Variants in NUP188 observed in about 807,000 individuals in gnomAD.
NUP188 encodes nucleoporin 188.
NUP188 carries 97 observed loss-of-function variants against 223.0 expected under a neutral mutation model. That is an observed-to-expected ratio of 0.43 (90% confidence interval 0.37 to 0.51). The LOEUF is 0.51. Ranked by LOEUF, NUP188 falls within the 20% of genes least tolerant of loss-of-function variation. The probability of loss-of-function intolerance (pLI) is 0.00; values close to 1 mark genes in which losing one functional copy is unlikely to be tolerated. For synonymous variants in NUP188, 869 were observed against 828.0 expected (o/e 1.05, Z -0.85); for missense variants, 1,947 against 2,175.6 (o/e 0.89, Z 2.09).
intron 8 of NUP188, among the ~76,000 whole-genome samples, chr9:128,959,338 CACCA>C (rs1160862008): frequency 6.6e-6 from 1 of 151,852 alleles, no homozygotes. Flanking sequence ...GACAGGGTTT[CACCA>C]TGTTGGCCAG....
At chr9:128,956,204 T>TGTGTGC (rs1841867719) in intron 3 of NUP188, 146 bp from the exon 4 acceptor site, 1 of 461,918 alleles carries the variant, frequency 2.2e-6, no homozygotes, top group African/African-American at 2.1e-5. Context: ...TGTGTGTGTG[T>TGTGTGC]GTGTGTGCGT....
chr9:128,970,750 C>T lies in NUP188; in HGVS notation c.913-8C>T. The T allele has an allele frequency of 6.2e-7, 1 of 1,613,254 alleles. No individual in the cohort carries two copies. Among genetic ancestry groups the T allele is most frequent in the Non-Finnish European group, 8.5e-7 (1 of 1,179,240 alleles). On this transcript the variant is annotated splice_polypyrimidine_tract_variant and splice_region_variant and intron_variant, in intron 10 of 43. Coordinates refer to ENST00000372577, the MANE Select transcript of NUP188 (RefSeq NM_015354.3). ...CGGAGATGTAGATGTGTTTTCTTCT[C>T]TCACTAGGATATGGACTGTTTAATG...
At chr9:128,999,389 T>G in intron 33 of NUP188, 72 bp downstream of exon 33, 1 of 1,562,984 alleles carries the variant, frequency 6.4e-7, no homozygotes, top group South Asian at 1.2e-5. Flanking sequence ...CAGGGCTTCC[T>G]TCAGCTTAGG....
intron 22 of NUP188, among the ~76,000 whole-genome samples, 189 bp downstream of exon 22, chr9:128,987,064 T>TGAAA (rs1842343387): frequency 9.0e-6 from 1 of 110,992 alleles, no homozygotes; most frequent in East Asian, 2.4e-4. Context: ...GAAGTAGGAA[T>TGAAA]GAGAGAGAGA....
In NUP188 at chr9:129,001,518, C is replaced by T. The variant is rs770775799; in HGVS notation, c.3844-11C>T. ...TTCTTCCCCCTTTTACTCATCTTTG[C>T]CTCTGGGCAGGTGTGTGTCCTGGGC... On this transcript the variant is annotated splice_polypyrimidine_tract_variant and intron_variant, in intron 34 of 43. Coordinates refer to ENST00000372577, the MANE Select transcript of NUP188 (RefSeq NM_015354.3). 1 of 1,610,102 alleles carries T rather than the reference C, an allele frequency of 6.2e-7. No homozygotes were observed. Among genetic ancestry groups the T allele is most frequent in the South Asian group, 1.1e-5 (1 of 91,034 alleles).
At chr9:128,993,920 C>T (rs1842473607) in intron 27 of NUP188, among the ~76,000 whole-genome samples, 1 of 152,166 alleles carries the variant, frequency 6.6e-6, no homozygotes, top group South Asian at 2.1e-4. Flanking sequence ...TGTGTTCCTG[C>T]CTTTTGCTAA....
chr9:128,977,143 G>A (rs1470515898), intron 12 of NUP188, among the ~76,000 whole-genome samples: 10 of 147,356 alleles, frequency 6.8e-5, no homozygotes, highest in East Asian at 2.0e-4. Context: ...TTTTTTAGAC[G>A]GAGTCTCGCT....
Position 128,968,724 on chromosome 9 carries a change from C to T in NUP188, c.797+7C>T, listed in dbSNP as rs753334184. 24 of 1,604,454 alleles carry T rather than the reference C, an allele frequency of 1.5e-5. No homozygotes were observed. The highest frequency in any genetic ancestry group is 2.0e-5 in the Non-Finnish European group (23 of 1,171,320). ...CTTTTGTAGATCGGATTGGGTAAGT[C>T]AGTGAATTGAACATCATGGAACTTG... On this transcript the variant is annotated splice_region_variant and intron_variant, in intron 9 of 43. Coordinates refer to ENST00000372577, the MANE Select transcript of NUP188 (RefSeq NM_015354.3).
intron 10 of NUP188, 125 bp downstream of exon 10, chr9:128,969,639 A>G (rs542420981): frequency 1.3e-5 from 7 of 554,636 alleles, no homozygotes; most frequent in African/African-American, 8.0e-5. Flanking sequence ...CAGAGGTTCT[A>G]CAATGTTTTC....
rs150265792 is a variant in NUP188 at position 128,990,603 on chromosome 9, G to A, written c.2640+377G>A. ...TAGGGGGCCGGGCATGGTGGCTCAC[G>A]CCTGTAATCCCAGCACTTTGGGAGG... On this transcript the variant is annotated intron_variant, in intron 25 of 43. Coordinates refer to ENST00000372577, the MANE Select transcript of NUP188 (RefSeq NM_015354.3). 2.6e-4 allele frequency among the ~76,000 whole-genome samples: 40 copies of A among 152,300 alleles called. No homozygotes were observed. The East Asian group carries it at 6.9e-3, about 26-fold the overall frequency.
intron 34 of NUP188, 73 bp from the exon 35 acceptor site, chr9:129,001,456 C>A: frequency 2.0e-6 from 3 of 1,467,626 alleles, no homozygotes; most frequent in Non-Finnish European, 1.9e-6. Context: ...GGCAACCAGG[C>A]CCACCGCTGC....
intron 8 of NUP188, among the ~76,000 whole-genome samples, chr9:128,959,502 CA>C (rs1841916800): frequency 6.7e-6 from 1 of 148,228 alleles, no homozygotes; most frequent in African/African-American, 2.5e-5. Context: ...ATTATTTATT[CA>C]TTCATTTAAA....
chr9:128,952,979 T>A, intron 3 of NUP188, 133 bp downstream of exon 3: 1 of 697,778 alleles, frequency 1.4e-6, no homozygotes, highest in Non-Finnish European at 2.4e-6. Flanking sequence ...AGTTTACCAG[T>A]GGAAAACAGT....
chr9:128,971,481 C>T (rs960629731), intron 11 of NUP188, among the ~76,000 whole-genome samples: 2 of 151,864 alleles, frequency 1.3e-5, no homozygotes, highest in African/African-American at 2.4e-5. Context: ...TGCAGTGGCA[C>T]GATCTTGGCT....
chr9:128,968,577 C>T lies in NUP188; in HGVS notation c.657C>T (p.Phe219=). 2 of 1,614,100 alleles carry T rather than the reference C, an allele frequency of 1.2e-6. No individual in the cohort carries two copies. Among genetic ancestry groups the T allele is most frequent in the Non-Finnish European group, 1.7e-6 (2 of 1,179,962 alleles). The part of the protein sequence containing the change: ...REQSMLLEII[F]LYYAYFEMAP... ...AGTCCATGCTGCTAGAAATTATTTT[C>T]CTTTATTATGCATACTTTGAGATGG... The change falls in exon 9 of 44, where the codon TTC becomes TTT. Residue 219 remains phenylalanine, a synonymous_variant. Transcript: ENST00000372577.
chr9:128,948,926 T>A (rs1841734639), intron 1 of NUP188: 2 of 238,862 alleles, frequency 8.4e-6, no homozygotes, highest in South Asian at 1.2e-4. Flanking sequence ...AGGGTTTCAC[T>A]GTGTTAGCCA....
At chr9:128,991,239 T>C (rs1842423769) in intron 25 of NUP188, among the ~76,000 whole-genome samples, 1 of 151,556 alleles carries the variant, frequency 6.6e-6, no homozygotes, top group African/African-American at 2.4e-5. Flanking sequence ...ATCTGTGTTC[T>C]TGTATTTTAA....
chr9:128,970,177 C>G (rs997031387), intron 10 of NUP188, among the ~76,000 whole-genome samples: 5 of 152,198 alleles, frequency 3.3e-5, no homozygotes, highest in Admixed American at 6.5e-5. Flanking sequence ...ATCCACCTGC[C>G]TCAGCCTCCC....
intron 37 of NUP188, 50 bp from the exon 38 acceptor site, chr9:129,003,267 C>T (rs1177960657): frequency 6.4e-7 from 1 of 1,574,426 alleles, no homozygotes; most frequent in Non-Finnish European, 8.6e-7. Flanking sequence ...GTGGGTATGT[C>T]AGGTCCCTCA....
Sources: allele counts gnomAD v4.1 joint callset (sites outside exome capture counted in the v4.1 genomes callset), GRCh38; gene constraint gnomAD v4.1.1; transcripts MANE v1.5; gene names NCBI Gene and HGNC (gene_info 2026-07-23, HGNC 2026-07-21).